LRRTM4: variants seen among roughly 807,000 people sequenced by gnomAD.
The protein encoded by LRRTM4 is leucine-rich repeat transmembrane neuronal protein 4.
Under a neutral mutation model 47.6 loss-of-function variants are expected in LRRTM4, and 25 were observed. The ratio of observed to expected loss-of-function variants is 0.53; its 90% CI spans 0.38 to 0.73. LRRTM4 has a LOEUF of 0.73. LRRTM4 is among the 30% of genes least tolerant of loss of function. LRRTM4 has a pLI of 0.00. For missense variants in LRRTM4, 638 were observed against 713.4 expected (o/e 0.89, Z 1.20); for synonymous variants, 311 against 269.5 (o/e 1.15, Z -1.51).
intron 3 of LRRTM4, among the ~76,000 whole-genome samples, chr2:76,941,003 G>T (rs1675123745): frequency 1.3e-5 from 2 of 152,140 alleles, no homozygotes; most frequent in South Asian, 2.1e-4. Context: ...AGTAAAAGCA[G>T]CTCAAGTGTT....
At chr2:77,387,589 C>T (rs549276356) in intron 3 of LRRTM4, among the ~76,000 whole-genome samples, 18 of 152,202 alleles carry the variant, frequency 1.2e-4, no homozygotes, top group Non-Finnish European at 2.2e-4. Flanking sequence ...GGGGAGCCCA[C>T]GTGAACACAC....
chr2:77,309,133 A>G (rs1373906313), intron 3 of LRRTM4, among the ~76,000 whole-genome samples: 1 of 152,188 alleles, frequency 6.6e-6, no homozygotes, highest in Non-Finnish European at 1.5e-5. Flanking sequence ...CAACTTTATG[A>G]CAATCTTTTC....
At chr2:77,069,834 T>C (rs1395161158) in intron 3 of LRRTM4, among the ~76,000 whole-genome samples, 4 of 152,218 alleles carry the variant, frequency 2.6e-5, no homozygotes, top group Admixed American at 1.3e-4. Context: ...TTTAGCTTTA[T>C]CATTTTCGCA....
chr2:77,251,056 T>C (rs1446165205), intron 3 of LRRTM4, among the ~76,000 whole-genome samples: 2 of 151,680 alleles, frequency 1.3e-5, no homozygotes, highest in African/African-American at 4.9e-5. Flanking sequence ...TGAGCCGAGA[T>C]AGTGCCATTG....
rs147136601 is a variant in LRRTM4 at position 77,285,573 on chromosome 2, C to T, written c.1551+232745G>A. Among the ~76,000 whole-genome samples, 183 of 151,666 alleles carry T rather than the reference C, an allele frequency of 1.2e-3. 3 individuals are homozygous for T. Among genetic ancestry groups the T allele is most frequent in the Admixed American group, 5.7e-3 (86 of 15,208 alleles). On this transcript the variant is annotated intron_variant, in intron 3 of 3. Transcript: ENST00000409884. ...TTTGGCCAACGTGGTGAAACCCCGT[C>T]TCTACCCAAAATACAAAAATTAGCC...
intron 3 of LRRTM4, among the ~76,000 whole-genome samples, chr2:77,440,734 T>C (rs1348512805): frequency 1.3e-5 from 2 of 152,334 alleles, no homozygotes; most frequent in East Asian, 3.9e-4. Flanking sequence ...TTACATATTA[T>C]TTTCAAAACA....
chr2:76,789,900 C>G (rs1013803787), intron 3 of LRRTM4, among the ~76,000 whole-genome samples: 1 of 152,144 alleles, frequency 6.6e-6, no homozygotes, highest in Non-Finnish European at 1.5e-5. Context: ...ATCTCTAGCT[C>G]TCCTTCTATT....
intron 3 of LRRTM4, among the ~76,000 whole-genome samples, chr2:77,494,107 A>C (rs1343780230): frequency 1.3e-5 from 2 of 152,202 alleles, no homozygotes; most frequent in Non-Finnish European, 2.9e-5. Context: ...TATTATAAAC[A>C]TCACAAACTG....
chr2:76,807,959 CT>C (rs1046699290), intron 3 of LRRTM4, among the ~76,000 whole-genome samples: 8 of 136,940 alleles, frequency 5.8e-5, no homozygotes, highest in Non-Finnish European at 1.1e-4. Flanking sequence ...CTTTCTTTTT[CT>C]TTTTCTTTCC....
In LRRTM4 at chr2:77,417,438, C is replaced by T. The variant is rs575649185; in HGVS notation, c.1551+100880G>A. Among the ~76,000 whole-genome samples the T allele has an allele frequency of 6.9e-3, 1,052 of 152,212 alleles. 11 individuals carry two copies. Among genetic ancestry groups the T allele is most frequent in the African/African-American group, 0.024 (1,004 of 41,508 alleles). On this transcript the variant is annotated intron_variant, in intron 3 of 3. Coordinates refer to ENST00000409884, the MANE Select transcript of LRRTM4 (RefSeq NM_001134745.3). ...AATCATGCTGCTATAAAGACACATG[C>T]ACACGTATGTTTATTGCGACACTAT...
intron 3 of LRRTM4, among the ~76,000 whole-genome samples, chr2:76,940,454 T>C (rs142962398): frequency 6.6e-6 from 1 of 151,728 alleles, no homozygotes; most frequent in Non-Finnish European, 1.5e-5. Context: ...CATGGACACA[T>C]AGAGGGGAAC....
At chr2:77,397,941 T>C (rs1673764931) in intron 3 of LRRTM4, among the ~76,000 whole-genome samples, 1 of 151,798 alleles carries the variant, frequency 6.6e-6, no homozygotes, top group South Asian at 2.1e-4. Flanking sequence ...GACTCACCCA[T>C]TCTTGAAAAG....
intron 3 of LRRTM4, among the ~76,000 whole-genome samples, chr2:77,155,889 T>A (rs902303302): frequency 6.6e-6 from 1 of 152,166 alleles, no homozygotes; most frequent in African/African-American, 2.4e-5. Context: ...AGGGAACCTT[T>A]TAAGTTTCTC....
In LRRTM4 at chr2:76,801,498, A is replaced by C. The variant is rs947489279; in HGVS notation, c.1552-52582T>G. Among the ~76,000 whole-genome samples, 6 of 151,934 alleles carry C rather than the reference A, an allele frequency of 3.9e-5. No homozygotes were observed. The East Asian group carries it at 1.2e-3, about 30-fold the overall frequency. ...ATGGACACAGGAAGGAGAATATCAC[A>C]CTCTGGGGACTGTTGTGGTGTGGGG... On this transcript the variant is annotated intron_variant, in intron 3 of 3. Coordinates refer to ENST00000409884, the MANE Select transcript of LRRTM4 (RefSeq NM_001134745.3).
At chr2:77,403,206 G>T (rs957892300) in intron 3 of LRRTM4, among the ~76,000 whole-genome samples, 1 of 151,900 alleles carries the variant, frequency 6.6e-6, no homozygotes, top group African/African-American at 2.4e-5. Context: ...TAATCAATTT[G>T]CCTTCCTATA....
At chr2:76,917,611 G>T (rs1212983080) in intron 3 of LRRTM4, among the ~76,000 whole-genome samples, 3 of 152,068 alleles carry the variant, frequency 2.0e-5, no homozygotes. Context: ...ATAAAATTAA[G>T]CTCCAAATTC....
chr2:77,251,300 C>T (rs1348913342), intron 3 of LRRTM4, among the ~76,000 whole-genome samples: 1 of 149,608 alleles, frequency 6.7e-6, no homozygotes, highest in African/African-American at 2.5e-5. Context: ...GGTTTTTAGC[C>T]ACAAATTTTG....
chr2:77,087,905 A>G (rs1680778110), intron 3 of LRRTM4, among the ~76,000 whole-genome samples: 1 of 152,228 alleles, frequency 6.6e-6, no homozygotes, highest in Non-Finnish European at 1.5e-5. Context: ...ATATGCAAAT[A>G]TATGTCTTTG....
intron 3 of LRRTM4, among the ~76,000 whole-genome samples, chr2:77,251,531 A>G (rs1389763154): frequency 2.0e-5 from 3 of 152,092 alleles, no homozygotes; most frequent in African/African-American, 7.2e-5. Flanking sequence ...CGTGAGTCTA[A>G]AGCTAGCTAT....
Sources: gnomAD v4.1 joint callset for allele counts (sites outside exome capture counted in the v4.1 genomes callset) on GRCh38, gnomAD v4.1.1 for gene constraint, MANE v1.5 for transcripts, NCBI Gene and HGNC (gene_info 2026-07-23, HGNC 2026-07-21) for gene names.